The following XRCC5 variants were observed in gnomAD, a reference collection of about 807,000 sequenced individuals.
XRCC5 encodes X-ray repair cross complementing 5, also known as DNA repair protein Ku80.
In XRCC5, 12 loss-of-function variants were observed where a neutral mutation model predicts 95.7. The ratio of observed to expected loss-of-function variants is 0.13; its 90% confidence interval spans 0.08 to 0.20. The LOEUF is 0.20. Ranked by LOEUF, XRCC5 falls within the 10% of genes least tolerant of loss-of-function variation. XRCC5 has a pLI of 1.00. For synonymous variants in XRCC5, 281 were observed against 290.3 expected, an observed-to-expected ratio of 0.97 and a Z score of 0.33; for missense variants, 595 against 873.9, an observed-to-expected ratio of 0.68 and a Z score of 4.02.
At chr2:216,137,535 A>T (rs975522054) in intron 11 of XRCC5, among the ~76,000 whole-genome samples, 12 of 152,248 alleles carry the variant, frequency 7.9e-5, no homozygotes, top group African/African-American at 2.9e-4. Context: ...TTAAAAGAAT[A>T]ATCAATAAAG....
In XRCC5 at chr2:216,119,304, T is replaced by G. The variant is rs567636814; in HGVS notation, c.491+139T>G. 40 of 868,760 alleles carry G rather than the reference T, an allele frequency of 4.6e-5. No individual in the cohort carries two copies. The South Asian group carries it at 7.1e-4, about 15-fold the overall frequency. The allele number at this position is 868,760 out of a possible 1,614,324, so 53.8% of individuals were successfully genotyped here. ...CTGAATCTGTCAGATGACTGACTACTCAGCAAACATTTGCTGGTTACTCTC... is the reference window on the plus strand; with the variant it reads ...CTGAATCTGTCAGATGACTGACTACGCAGCAAACATTTGCTGGTTACTCTC... On this transcript the variant is annotated intron_variant, in intron 5 of 20. Coordinates refer to ENST00000392132, the MANE Select transcript of XRCC5 (RefSeq NM_021141.4).
chr2:216,125,271 C>T (rs1457349111), intron 6 of XRCC5, among the ~76,000 whole-genome samples: 1 of 151,156 alleles, frequency 6.6e-6, no homozygotes, highest in Non-Finnish European at 1.5e-5. Flanking sequence ...GATCTCAGCT[C>T]ACCGCAACCT....
chr2:216,109,356 C>G lies in XRCC5; in HGVS notation c.-81C>G. ...ACGAAGCGGCTCTTTCCGCTATCTGCCGCTTGTCCACCGGAAGCGAGTTGC... is the reference window on the plus strand; with the variant it reads ...ACGAAGCGGCTCTTTCCGCTATCTGGCGCTTGTCCACCGGAAGCGAGTTGC... On this transcript the variant is annotated 5_prime_UTR_variant, in exon 1 of 21. Transcript: ENST00000392132. 1.2e-6 allele frequency: 2 copies of G among 1,606,720 alleles called. No homozygotes were observed. The highest frequency in any genetic ancestry group is 1.7e-6 in the Non-Finnish European group (2 of 1,176,476).
At chr2:216,173,583 A>G (rs1316356704) in intron 16 of XRCC5, among the ~76,000 whole-genome samples, 1 of 152,232 alleles carries the variant, frequency 6.6e-6, no homozygotes, top group African/African-American at 2.4e-5. Flanking sequence ...TTTTATATGT[A>G]CTGAATTCAT....
At chr2:216,109,504 G>A (rs369188884) in intron 1 of XRCC5, 47 bp downstream of exon 1, 25 of 1,611,156 alleles carry the variant, frequency 1.6e-5, no homozygotes, top group South Asian at 1.5e-4. Context: ...CTGGGGATCC[G>A]GAGAGGGTGG....
Position 216,155,857 on chromosome 2 carries a change from T to C in XRCC5, c.1671-4211T>C, listed in dbSNP as rs139722256. Reference sequence around the variant, plus strand: ...GTGGGGTGCAGAGGGAGTGGGAAAATAACTATGAAGGGGAAAGGTACTAAA... The same window carrying C: ...GTGGGGTGCAGAGGGAGTGGGAAAACAACTATGAAGGGGAAAGGTACTAAA... On this transcript the variant is annotated intron_variant, in intron 14 of 20. Transcript: ENST00000392132. Among the ~76,000 whole-genome samples the C allele has an allele frequency of 9.2e-5, 14 of 151,886 alleles. No individual in the cohort carries two copies. In the East Asian group the frequency reaches 2.7e-3, roughly 29 times the overall value.
chr2:216,155,695 G>A (rs1289601934), intron 14 of XRCC5, among the ~76,000 whole-genome samples: 1 of 152,106 alleles, frequency 6.6e-6, no homozygotes, highest in Non-Finnish European at 1.5e-5. Context: ...GGAAAATTAA[G>A]AAAAAGAATA....
chr2:216,164,271 C>A (rs965257728), intron 16 of XRCC5, among the ~76,000 whole-genome samples: 1 of 152,174 alleles, frequency 6.6e-6, no homozygotes, highest in African/African-American at 2.4e-5. Context: ...CAAGGTCCCC[C>A]GTTTGGAAGT....
intron 16 of XRCC5, chr2:216,175,053 C>A: frequency 3.2e-6 from 1 of 314,814 alleles, no homozygotes; most frequent in South Asian, 3.2e-5. Flanking sequence ...CATTATAGTT[C>A]CCACCACCAC....
chr2:216,148,780 G>A (rs1040450434), intron 14 of XRCC5, among the ~76,000 whole-genome samples: 8 of 152,118 alleles, frequency 5.3e-5, no homozygotes, highest in African/African-American at 1.9e-4. Context: ...TGCTATTGGG[G>A]AGGTGTTTGT....
chr2:216,144,553 A>G (rs187725776), intron 13 of XRCC5, among the ~76,000 whole-genome samples: 15 of 152,368 alleles, frequency 9.8e-5, no homozygotes, highest in Non-Finnish European at 1.8e-4. Flanking sequence ...GGACTTGAAG[A>G]TAACAGGATC....
chr2:216,200,277 A>C (rs757706858), intron 19 of XRCC5, among the ~76,000 whole-genome samples: 2 of 152,174 alleles, frequency 1.3e-5, no homozygotes, highest in Non-Finnish European at 2.9e-5. Context: ...GTGAGAGTGC[A>C]CAGGAATTCT....
chr2:216,113,313 TC>T (rs1696627692), intron 2 of XRCC5, among the ~76,000 whole-genome samples, 184 bp downstream of exon 2: 1 of 152,306 alleles, frequency 6.6e-6, no homozygotes, highest in Non-Finnish European at 1.5e-5. Context: ...TATTTTTTCT[TC>T]CCTCGTTTTG....
At chr2:216,183,029 ATG>A (rs1689417338) in intron 16 of XRCC5, among the ~76,000 whole-genome samples, 2 of 152,316 alleles carry the variant, frequency 1.3e-5, no homozygotes, top group Admixed American at 1.3e-4. Context: ...CAGAATAAAA[ATG>A]TTATATCATA....
chr2:216,127,813 A>G (rs1045045612), intron 8 of XRCC5, 139 bp downstream of exon 8: 36 of 974,294 alleles, frequency 3.7e-5, no homozygotes, highest in Non-Finnish European at 5.1e-5. Flanking sequence ...AAGGATAATG[A>G]GACCCTAGGT....
intron 17 of XRCC5, among the ~76,000 whole-genome samples, chr2:216,191,434 G>A (rs1050532147): frequency 4.0e-5 from 6 of 150,776 alleles, no homozygotes; most frequent in South Asian, 4.2e-4. Flanking sequence ...TTCTTGAGAC[G>A]GACTTTCACT....
At chr2:216,116,569 G>C in intron 2 of XRCC5, 90 bp from the exon 3 acceptor site, 1 of 1,478,324 alleles carries the variant, frequency 6.8e-7, no homozygotes. Flanking sequence ...CCATAGGGAG[G>C]TCTGGTTGTC....
intron 16 of XRCC5, among the ~76,000 whole-genome samples, chr2:216,180,849 G>A (rs1042305510): frequency 4.1e-5 from 6 of 146,834 alleles, no homozygotes; most frequent in Admixed American, 2.1e-4. Flanking sequence ...TTTCGCTGTC[G>A]TTGCCCGGGC....
chr2:216,113,735 G>T lies in XRCC5; in HGVS notation c.135+606G>T, dbSNP rs41296934. Among the ~76,000 whole-genome samples, 677 of 152,304 alleles carry T rather than the reference G, an allele frequency of 4.4e-3. 19 individuals are homozygous for T. In the East Asian group the frequency reaches 0.074, roughly 17 times the overall value. ...GGCTGGAAGACGATGCTTTCTAGTG[G>T]CTGTGAGCTCAGTTGGGGCTGTCCG... On this transcript the variant is annotated intron_variant, in intron 2 of 20. Transcript: ENST00000392132.
Sources: allele counts gnomAD v4.1 joint callset (sites outside exome capture counted in the v4.1 genomes callset), GRCh38; gene constraint gnomAD v4.1.1; transcripts MANE v1.5; gene names NCBI Gene and HGNC (gene_info 2026-07-23, HGNC 2026-07-21).